Variants in TANC2 observed in about 807,000 individuals in gnomAD.
TANC2 encodes protein TANC2.
In TANC2, 26 loss-of-function variants were observed where a neutral mutation model predicts 210.5. The observed-to-expected ratio is 0.12, with a 90% CI of 0.09 to 0.17. The LOEUF (loss-of-function observed/expected upper bound fraction) is 0.17. Among genes scored for constraint, TANC2 ranks in the 10% least tolerant of loss-of-function variants. The pLI is 1.00. For synonymous variants in TANC2, 931 were observed against 967.1 expected, an observed-to-expected ratio of 0.96 and a Z score of 0.69; for missense variants, 2,129 against 2,608.9, an observed-to-expected ratio of 0.82 and a Z score of 4.01.
rs147719312 is a variant in TANC2, at chr17:63,073,623, C to T, written c.68-320C>T. Among the ~76,000 whole-genome samples, 94 of 152,168 alleles carry T rather than the reference C, an allele frequency of 6.2e-4. No homozygotes were observed. In the East Asian group the frequency reaches 0.017, roughly 27 times the overall value. On this transcript the variant is annotated intron_variant, in intron 2 of 27. Coordinates refer to ENST00000689528, the Ensembl canonical transcript of TANC2. The stretch of plus-strand genomic sequence containing the variant: ...ATTTAAAAGATTGTTTTAAATCAGG[C>T]CTTCTTAACTGGAATTCTGTGACTG...
At chr17:63,137,192 C>T (rs2039119610) in intron 4 of TANC2, among the ~76,000 whole-genome samples, 1 of 151,992 alleles carries the variant, frequency 6.6e-6, no homozygotes, top group Non-Finnish European at 1.5e-5. Flanking sequence ...GCTAAACTAG[C>T]CTCAGAGTAA....
chr17:63,248,662 T>C (rs749519964), intron 8 of TANC2, among the ~76,000 whole-genome samples: 1 of 152,130 alleles, frequency 6.6e-6, no homozygotes, highest in Non-Finnish European at 1.5e-5. Flanking sequence ...TAGGACCACA[T>C]CTTCTGGCAT....
intron 9 of TANC2, among the ~76,000 whole-genome samples, chr17:63,274,702 C>A (rs1353814903): frequency 3.3e-5 from 5 of 152,022 alleles, no homozygotes; most frequent in African/African-American, 1.2e-4. Flanking sequence ...CCCATAGTCC[C>A]AGCTACTCAG....
intron 14 of TANC2, among the ~76,000 whole-genome samples, chr17:63,367,045 T>G (rs2047130520): frequency 6.6e-6 from 1 of 152,246 alleles, no homozygotes; most frequent in African/African-American, 2.4e-5. Context: ...ATATGCACAC[T>G]CATTTCACAG....
chr17:63,355,264 T>C lies in TANC2; in HGVS notation c.2456T>C (p.Met819Thr). The C allele has an allele frequency of 1.2e-6, 2 of 1,613,552 alleles. No individual in the cohort carries two copies. Among genetic ancestry groups the C allele is most frequent in the Non-Finnish European group, 1.7e-6 (2 of 1,179,696 alleles). The change falls in exon 14 of 28, where the codon ATG becomes ACG. Residue 819 changes from methionine to threonine, a missense_variant. Physicochemically the swap from Met to Thr is moderately conservative, Grantham distance 81 (BLOSUM62 -1). Coordinates refer to ENST00000689528, the Ensembl canonical transcript of TANC2. Reference sequence around the variant, plus strand: ...GAATGGGAGGATTTTCAGCAGAGAATGGAGAACCTCTCCATGTTCCTAATC... The same window carrying C: ...GAATGGGAGGATTTTCAGCAGAGAACGGAGAACCTCTCCATGTTCCTAATC...
At position 63,185,140 on chromosome 17, in the gene TANC2, G is replaced by A. The variant is rs576779039; in HGVS notation, c.434-8851G>A. Among the ~76,000 whole-genome samples, 10 of 152,028 alleles carry A rather than the reference G, an allele frequency of 6.6e-5. No individual in the cohort carries two copies. In the East Asian group the frequency reaches 1.7e-3, roughly 26 times the overall value. ...CACCTGAGTAGCTGGGACTACAGGC[G>A]TGCACTACCAGGCCTGGCTTCTTTT... On this transcript the variant is annotated intron_variant, in intron 5 of 27. Coordinates refer to ENST00000689528, the Ensembl canonical transcript of TANC2.
intron 5 of TANC2, among the ~76,000 whole-genome samples, chr17:63,171,290 C>T (rs1245393605): frequency 1.3e-5 from 2 of 151,898 alleles, no homozygotes; most frequent in Non-Finnish European, 2.9e-5. Flanking sequence ...ACCATGTTGG[C>T]CAGGCTGGTC....
intron 1 of TANC2, among the ~76,000 whole-genome samples, chr17:62,991,224 CAAATG>C (rs2032844912): frequency 6.6e-6 from 1 of 151,996 alleles, no homozygotes; most frequent in South Asian, 2.1e-4. Context: ...ATTAAAAAAA[CAAATG>C]AAATGATGAA....
intron 4 of TANC2, chr17:63,149,203 A>T (rs1332964443): frequency 6.6e-6 from 1 of 151,774 alleles, no homozygotes; most frequent in African/African-American, 2.4e-5. Flanking sequence ...AAGAGGTTTT[A>T]TTTTTTTTCC....
At chr17:63,397,271 T>C (rs1970988761) in intron 18 of TANC2, among the ~76,000 whole-genome samples, 1 of 151,274 alleles carries the variant, frequency 6.6e-6, no homozygotes, top group Admixed American at 6.6e-5. Flanking sequence ...GCGAACTCCA[T>C]CTCAAAAAAA....
Position 63,131,532 on chromosome 17 carries a change from GTT to G in TANC2, c.323-19726_323-19725del, listed in dbSNP as rs10719381. On this transcript the variant is annotated intron_variant, in intron 4 of 27. Coordinates refer to ENST00000689528, the Ensembl canonical transcript of TANC2. Reference sequence around the variant, plus strand: ...ATTACTGTTTAAAACAATTACTTTGGTTTTTTTTTTTTTCTACATTACACCAG... The same window carrying G: ...ATTACTGTTTAAAACAATTACTTTGGTTTTTTTTTTTCTACATTACACCAG... Among the ~76,000 whole-genome samples, 266 of 145,936 alleles carry G rather than the reference GTT, an allele frequency of 1.8e-3. 1 individual carries two copies. The highest frequency in any genetic ancestry group is 6.4e-3 in the African/African-American group (257 of 40,224).
intron 15 of TANC2, among the ~76,000 whole-genome samples, chr17:63,383,590 T>C (rs2047681985): frequency 6.6e-6 from 1 of 152,248 alleles, no homozygotes; most frequent in Non-Finnish European, 1.5e-5. Context: ...ATTTACTACA[T>C]TTTATTTAGC....
intron 14 of TANC2, among the ~76,000 whole-genome samples, chr17:63,374,276 G>A (rs796592554): frequency 1.8e-4 from 27 of 152,110 alleles, no homozygotes; most frequent in African/African-American, 5.8e-4. Context: ...GGACTCGAGC[G>A]ACCCTCCCAC....
intron 21 of TANC2, among the ~76,000 whole-genome samples, chr17:63,410,599 A>G (rs1469029963): frequency 6.6e-6 from 1 of 152,054 alleles, no homozygotes; most frequent in African/African-American, 2.4e-5. Context: ...CTCAGAAAAC[A>G]TTCACCGAAC....
chr17:63,136,197 G>A (rs1189176196), intron 4 of TANC2, among the ~76,000 whole-genome samples: 1 of 152,154 alleles, frequency 6.6e-6, no homozygotes, highest in East Asian at 1.9e-4. Flanking sequence ...TTGAAGTAAT[G>A]TCTGTAGGAA....
chr17:63,068,823 A>G (rs1425429450), intron 2 of TANC2, among the ~76,000 whole-genome samples: 1 of 152,130 alleles, frequency 6.6e-6, no homozygotes, highest in Non-Finnish European at 1.5e-5. Flanking sequence ...AAATTTCAAA[A>G]CATAAGTATT....
intron 9 of TANC2, among the ~76,000 whole-genome samples, chr17:63,292,250 C>T (rs1215489990): frequency 6.6e-6 from 1 of 151,844 alleles, no homozygotes; most frequent in East Asian, 1.9e-4. Flanking sequence ...AATATAGAAC[C>T]TAGGATTGGC....
At chr17:63,070,600 C>T (rs1299012560) in intron 2 of TANC2, among the ~76,000 whole-genome samples, 1 of 152,050 alleles carries the variant, frequency 6.6e-6, no homozygotes, top group East Asian at 1.9e-4. Context: ...TTCCCACTGG[C>T]CAAATCTAGG....
rs75497039 is a variant in TANC2, at chr17:63,141,074, T to A, written c.323-10196T>A. On this transcript the variant is annotated intron_variant, in intron 4 of 27. Coordinates refer to ENST00000689528, the Ensembl canonical transcript of TANC2. ...CAGGAAGAGTATTATAAATGAAATA[T>A]TATAATATTTGAAATCAAAATATCA... Among the ~76,000 whole-genome samples, 1,296 of 152,072 alleles carry A rather than the reference T, an allele frequency of 8.5e-3. 15 individuals carry two copies. The highest frequency in any genetic ancestry group is 0.029 in the African/African-American group (1,187 of 41,502).
Sources: allele counts gnomAD v4.1 joint callset (sites outside exome capture counted in the v4.1 genomes callset), GRCh38; gene constraint gnomAD v4.1.1; transcripts MANE v1.5; gene names NCBI Gene and HGNC (gene_info 2026-07-23, HGNC 2026-07-21).